GARIN1A: variants seen among roughly 807,000 people sequenced by gnomAD.
GARIN1A encodes the protein Golgi-associated RAB2 interactor protein 1A.
chr7:128,688,887 C>T, the GARIN1A span, among the ~76,000 whole-genome samples: 12 of 143,400 alleles, frequency 8.4e-5, no homozygotes, highest in African/African-American at 3.1e-4. Flanking sequence ...TCTCTGCTCA[C>T]TGCAACCTCC....
the GARIN1A span, among the ~76,000 whole-genome samples, chr7:128,700,406 A>C: frequency 2.1e-4 from 32 of 150,406 alleles, no homozygotes; most frequent in African/African-American, 7.6e-4. Flanking sequence ...TCAGCCTCCC[A>C]AGTAGCTCAG....
At chr7:128,699,265 C>CCG in the GARIN1A span, among the ~76,000 whole-genome samples, 1 of 139,836 alleles carries the variant, frequency 7.2e-6, no homozygotes, top group African/African-American at 2.6e-5. Context: ...CTGCTGCCCC[C>CCG]CCCCCCCCAC....
chr7:128,681,023 T>C, the GARIN1A span, among the ~76,000 whole-genome samples: 1 of 152,278 alleles, frequency 6.6e-6, no homozygotes, highest in Admixed American at 6.5e-5. Context: ...CAAGTGCAAC[T>C]TGTAGGGTAT....
At chr7:128,690,758 G>C in the GARIN1A span, 1 of 152,292 alleles carries the variant, frequency 6.6e-6, no homozygotes, top group African/African-American at 2.4e-5. Flanking sequence ...CCAGGAAAGT[G>C]GTGGGTTCAA....
the GARIN1A span, chr7:128,683,252 A>G: frequency 1.0e-6 from 1 of 976,538 alleles, no homozygotes; most frequent in Non-Finnish European, 1.5e-6. Context: ...TGACCTTGGG[A>G]GAGGTAAGAT....
At chr7:128,672,848 C>T in the GARIN1A span, among the ~76,000 whole-genome samples, 1 of 152,194 alleles carries the variant, frequency 6.6e-6, no homozygotes, top group Non-Finnish European at 1.5e-5. Context: ...TTCTGGGCCA[C>T]TTGTCCAAAG....
At chr7:128,697,920 C>A in the GARIN1A span, among the ~76,000 whole-genome samples, 1 of 152,116 alleles carries the variant, frequency 6.6e-6, no homozygotes, top group Non-Finnish European at 1.5e-5. Context: ...GTAGTAAATT[C>A]AATACACCTT....
the GARIN1A span, among the ~76,000 whole-genome samples, chr7:128,700,605 A>G: frequency 6.6e-6 from 1 of 152,164 alleles, no homozygotes; most frequent in Non-Finnish European, 1.5e-5. Context: ...TATTCTTTTA[A>G]TACAAGATAG....
At chr7:128,686,221 ATAAAG>A in the GARIN1A span, 5 of 152,170 alleles carry the variant, frequency 3.3e-5, no homozygotes, top group African/African-American at 1.2e-4. Flanking sequence ...TCAAAATAAA[ATAAAG>A]TAAAATAGTA....
the GARIN1A span, among the ~76,000 whole-genome samples, chr7:128,679,651 G>A: frequency 6.6e-6 from 1 of 152,110 alleles, no homozygotes; most frequent in Admixed American, 6.5e-5. Context: ...AGGAAGGAAG[G>A]CCAATAGATT....
the GARIN1A span, among the ~76,000 whole-genome samples, chr7:128,674,395 G>A: frequency 6.6e-6 from 1 of 152,158 alleles, no homozygotes; most frequent in Admixed American, 6.5e-5. Context: ...AAAGTGCTGG[G>A]ATTATAGGCA....
the GARIN1A span, among the ~76,000 whole-genome samples, chr7:128,672,122 G>T: frequency 0.27 from 41,079 of 152,066 alleles, 5,908 homozygotes; most frequent in East Asian, 0.54. Context: ...ATTACTGCTG[G>T]TTTGTAGTTG....
the GARIN1A span, among the ~76,000 whole-genome samples, chr7:128,705,655 GTTTTTTTTT>G: frequency 1.6e-5 from 1 of 61,498 alleles, no homozygotes; most frequent in Admixed American, 2.3e-4. Context: ...TTTTTTTGGT[GTTTTTTTTT>G]TTTTTTTTTT....
the GARIN1A span, among the ~76,000 whole-genome samples, chr7:128,703,946 A>G: frequency 6.6e-6 from 1 of 152,200 alleles, no homozygotes; most frequent in Non-Finnish European, 1.5e-5. Flanking sequence ...ATTTGTTAAA[A>G]GGTATGCCAC....
At chr7:128,705,559 A>G in the GARIN1A span, among the ~76,000 whole-genome samples, 654 of 151,170 alleles carry the variant, frequency 4.3e-3, 4 homozygotes, top group African/African-American at 0.015. Context: ...CCATTTCTTC[A>G]TCAAACTTCC....
the GARIN1A span, among the ~76,000 whole-genome samples, chr7:128,678,291 G>A: frequency 2.1e-3 from 312 of 152,148 alleles, 5 homozygotes; most frequent in Admixed American, 0.016. Flanking sequence ...AAAGTGCTGG[G>A]ATTGCAGGTG....
the GARIN1A span, chr7:128,672,437 C>T: frequency 1.9e-6 from 3 of 1,609,102 alleles, no homozygotes; most frequent in Non-Finnish European, 2.5e-6. Flanking sequence ...GGTCAGGGAA[C>T]CAGGCCCTGG....
At chr7:128,688,276 C>T in the GARIN1A span, among the ~76,000 whole-genome samples, 5 of 152,180 alleles carry the variant, frequency 3.3e-5, no homozygotes, top group Non-Finnish European at 7.4e-5. Context: ...TCCCAAAGTG[C>T]TGGGATTACA....
chr7:128,672,374 C>T, the GARIN1A span: 2 of 1,594,226 alleles, frequency 1.3e-6, no homozygotes, highest in South Asian at 2.3e-5. Context: ...GAAATGTTCC[C>T]AAGCCCATTC....
Sources: allele counts gnomAD v4.1 joint callset (sites outside exome capture counted in the v4.1 genomes callset), GRCh38; gene constraint gnomAD v4.1.1; transcripts MANE v1.5; gene names NCBI Gene and HGNC (gene_info 2026-07-23, HGNC 2026-07-21).